Variants in KAZN observed in about 807,000 individuals in gnomAD.
KAZN encodes kazrin.
A neutral mutation model predicts 87.4 loss-of-function variants in KAZN; 40 were observed. The ratio of observed to expected loss-of-function variants is 0.46; its 90% confidence interval spans 0.36 to 0.60. The LOEUF (loss-of-function observed/expected upper bound fraction) is 0.60. KAZN is among the 20% of genes least tolerant of loss of function. KAZN has a pLI of 0.00. For missense variants in KAZN, 898 were observed against 1,073.9 expected (o/e 0.84, Z 2.29); for synonymous variants, 466 against 458.3 (o/e 1.02, Z -0.22).
intron 2 of KAZN, among the ~76,000 whole-genome samples, chr1:14,988,722 A>G (rs1274437341): frequency 6.6e-6 from 1 of 152,124 alleles, no homozygotes; most frequent in Non-Finnish European, 1.5e-5. Flanking sequence ...GTTTACAAGG[A>G]TGGTCCTTGG....
In KAZN at chr1:14,576,691, A is replaced by T. The variant is rs1203405380; in HGVS notation, c.250-22292A>T. Among the ~76,000 whole-genome samples, 3 of 152,184 alleles carry T rather than the reference A, an allele frequency of 2.0e-5. No individual in the cohort carries two copies. The East Asian group carries it at 5.8e-4, about 29-fold the overall frequency. ...TGAACGCTAAAGATTTAAAGTTCCT[A>T]TTTTAGGCTCTGTCTAGACACCTCT... On this transcript the variant is annotated intron_variant, in intron 2 of 16. Coordinates refer to the KAZN transcript ENST00000636203.
chr1:14,963,810 G>A (rs1572934348), intron 2 of KAZN, among the ~76,000 whole-genome samples: 2 of 148,186 alleles, frequency 1.3e-5, no homozygotes, highest in Middle Eastern at 6.8e-3. Flanking sequence ...GCCCCAGTGT[G>A]TGATGTTCCC....
chr1:14,419,046 A>T (rs1317626327), intron 2 of KAZN, among the ~76,000 whole-genome samples: 1 of 152,192 alleles, frequency 6.6e-6, no homozygotes, highest in African/African-American at 2.4e-5. Flanking sequence ...AAATACAAGG[A>T]TGCTATATAT....
chr1:14,247,989 A>G (rs1270509954), intron 2 of KAZN, among the ~76,000 whole-genome samples: 1 of 152,172 alleles, frequency 6.6e-6, no homozygotes, highest in Non-Finnish European at 1.5e-5. Context: ...CTCTAACGCA[A>G]TCGGTGCTTG....
intron 1 of KAZN, chr1:14,924,251 G>C: frequency 1.0e-6 from 1 of 982,026 alleles, no homozygotes; most frequent in African/African-American, 1.8e-5. Context: ...GGCGGGAGGC[G>C]GGGGCGGGCT....
intron 1 of KAZN, among the ~76,000 whole-genome samples, chr1:14,822,651 A>G (rs1572573783): frequency 6.6e-6 from 1 of 152,182 alleles, no homozygotes; most frequent in East Asian, 1.9e-4. Context: ...ACAATGAGAA[A>G]AGTATGTTTT....
chr1:14,974,144 G>A (rs972339894), intron 2 of KAZN, among the ~76,000 whole-genome samples: 5 of 151,436 alleles, frequency 3.3e-5, no homozygotes, highest in African/African-American at 4.9e-5. Flanking sequence ...GTACATGGAT[G>A]CTAAGGGCTC....
chr1:13,995,557 G>A (rs1639476159), intron 1 of KAZN, among the ~76,000 whole-genome samples: 1 of 152,194 alleles, frequency 6.6e-6, no homozygotes, highest in African/African-American at 2.4e-5. Context: ...CATCTTGTTT[G>A]TAGATCAGAA....
intron 1 of KAZN, among the ~76,000 whole-genome samples, chr1:14,888,327 T>C (rs538797591): frequency 2.0e-5 from 3 of 152,234 alleles, no homozygotes; most frequent in African/African-American, 7.2e-5. Flanking sequence ...GGCTGGGGTG[T>C]CCCCACTCCT....
chr1:14,226,553 A>G (rs1385130992), intron 2 of KAZN, among the ~76,000 whole-genome samples: 1 of 152,218 alleles, frequency 6.6e-6, no homozygotes, highest in Non-Finnish European at 1.5e-5. Context: ...ATTACTGGGT[A>G]TACAGCCAAA....
chr1:14,933,582 T>C (rs1409021774), intron 1 of KAZN, among the ~76,000 whole-genome samples: 1 of 151,972 alleles, frequency 6.6e-6, no homozygotes, highest in Non-Finnish European at 1.5e-5. Flanking sequence ...GGTATCTTTT[T>C]CCAATAATTA....
chr1:14,702,366 G>GTGTGTGTGTGTGTGTGTGTGTGTGTGT (rs1641976173), intron 1 of KAZN, among the ~76,000 whole-genome samples: 1 of 150,048 alleles, frequency 6.7e-6, no homozygotes. Context: ...GTGTGTGTGT[G>GTGTGTGTGTGTGTGTGTGTGTGTGTGT]GATTTCTCTG....
chr1:14,972,997 T>C (rs1304598364), intron 2 of KAZN, among the ~76,000 whole-genome samples: 3 of 151,864 alleles, frequency 2.0e-5, no homozygotes, highest in Non-Finnish European at 4.4e-5. Context: ...GCATGCCATA[T>C]GCCTTCTCTT....
intron 2 of KAZN, among the ~76,000 whole-genome samples, chr1:14,335,981 G>T (rs1354290945): frequency 6.6e-6 from 1 of 152,230 alleles, no homozygotes; most frequent in Non-Finnish European, 1.5e-5. Flanking sequence ...ATGCAGGTGA[G>T]AGACACTGGG....
chr1:14,781,004 G>A lies in KAZN; in HGVS notation c.227-179680G>A, dbSNP rs77931126. Reference sequence around the variant, plus strand: ...CCGAGTGGAGTGGGGGACACTGAAGGCACCGAGAGTAAATAACATTAAAAG... The same window carrying A: ...CCGAGTGGAGTGGGGGACACTGAAGACACCGAGAGTAAATAACATTAAAAG... On this transcript the variant is annotated intron_variant, in intron 1 of 14. Coordinates refer to ENST00000376030, the MANE Select transcript of KAZN (RefSeq NM_201628.3). Among the ~76,000 whole-genome samples, 602 of 152,258 alleles carry A rather than the reference G, an allele frequency of 4.0e-3. 2 individuals are homozygous for A. The highest frequency in any genetic ancestry group is 7.2e-3 in the Non-Finnish European group (489 of 68,006).
chr1:14,998,009 C>T lies in KAZN; in HGVS notation c.419-36740C>T, dbSNP rs556499920. 2.0e-5 allele frequency among the ~76,000 whole-genome samples: 3 copies of T among 152,282 alleles called. No individual in the cohort carries two copies. The East Asian group carries it at 5.8e-4, about 29-fold the overall frequency. On this transcript the variant is annotated intron_variant, in intron 2 of 14. Transcript: ENST00000376030. ...TCAACGAGTCACTGTCGTTATTGAG[C>T]CTGGTTTTAATCGTGTTTGGTTTTG...
chr1:14,843,374 C>A (rs1648262088), intron 1 of KAZN, among the ~76,000 whole-genome samples: 1 of 152,242 alleles, frequency 6.6e-6, no homozygotes, highest in East Asian at 1.9e-4. Context: ...AAGCTGAACC[C>A]TAAAGGATGG....
intron 2 of KAZN, among the ~76,000 whole-genome samples, chr1:15,018,487 C>T (rs1203547963): frequency 6.6e-6 from 1 of 150,992 alleles, no homozygotes; most frequent in Non-Finnish European, 1.5e-5. Context: ...TTTTTGCTGC[C>T]ACGCCTCTGT....
Position 14,733,127 on chromosome 1 carries a change from A to G in KAZN, c.226+133904A>G, listed in dbSNP as rs190615758. 9.2e-5 allele frequency among the ~76,000 whole-genome samples: 14 copies of G among 152,242 alleles called. 1 individual carries two copies. Among genetic ancestry groups the G allele is most frequent in the Admixed American group, 8.5e-4 (13 of 15,290 alleles). ...GTGTTTCTCGGGGATCTGTGGCTGCAAAGCGGATCAGCTCTGATTTCAGCC... is the reference window on the plus strand; with the variant it reads ...GTGTTTCTCGGGGATCTGTGGCTGCGAAGCGGATCAGCTCTGATTTCAGCC... On this transcript the variant is annotated intron_variant, in intron 1 of 14. Coordinates refer to ENST00000376030, the MANE Select transcript of KAZN (RefSeq NM_201628.3).
Sources: gnomAD v4.1 joint callset for allele counts (sites outside exome capture counted in the v4.1 genomes callset) on GRCh38, gnomAD v4.1.1 for gene constraint, MANE v1.5 for transcripts, NCBI Gene and HGNC (gene_info 2026-07-23, HGNC 2026-07-21) for gene names.